Variants in SH3RF1 observed in about 807,000 individuals in gnomAD.
SH3RF1 encodes the protein SH3 domain containing ring finger 1, also known as E3 ubiquitin-protein ligase SH3RF1.
In SH3RF1, 32 loss-of-function variants were observed where a neutral mutation model predicts 74.0. The ratio of observed to expected loss-of-function variants is 0.43; its 90% CI spans 0.33 to 0.58. The LOEUF (loss-of-function observed/expected upper bound fraction) is 0.58, where lower values mean the gene tolerates loss of function less well. SH3RF1 is among the 20% of genes least tolerant of loss of function. The pLI, the probability that SH3RF1 is intolerant of heterozygous loss-of-function variation, is 0.05. For missense variants in SH3RF1, 954 were observed against 1,130.9 expected, an observed-to-expected ratio of 0.84 and a Z score of 2.24; for synonymous variants, 396 against 439.6, an observed-to-expected ratio of 0.90 and a Z score of 1.24.
intron 10 of SH3RF1, among the ~76,000 whole-genome samples, chr4:169,112,640 T>G (rs1016202233): frequency 1.3e-5 from 2 of 152,152 alleles, no homozygotes; most frequent in Non-Finnish European, 2.9e-5. Flanking sequence ...AGCAGCCTAA[T>G]GGCTCAAATT....
At chr4:169,102,292 A>G (rs1185433690) in intron 11 of SH3RF1, among the ~76,000 whole-genome samples, 1 of 152,232 alleles carries the variant, frequency 6.6e-6, no homozygotes, top group Non-Finnish European at 1.5e-5. Context: ...AAAGAAATTA[A>G]TCATGCTGGT....
At chr4:169,155,126 T>C (rs1734030433) in intron 4 of SH3RF1, among the ~76,000 whole-genome samples, 1 of 152,172 alleles carries the variant, frequency 6.6e-6, no homozygotes, top group African/African-American at 2.4e-5. Flanking sequence ...AATAAACAAA[T>C]AAACTTTTCT....
intron 2 of SH3RF1, among the ~76,000 whole-genome samples, chr4:169,183,757 A>AC (rs1734554495): frequency 6.6e-6 from 1 of 151,170 alleles, no homozygotes; most frequent in Non-Finnish European, 1.5e-5. Flanking sequence ...CTTTAAAAAA[A>AC]AAAAAACAAA....
intron 4 of SH3RF1, among the ~76,000 whole-genome samples, chr4:169,138,034 A>G (rs1733727064): frequency 6.6e-6 from 1 of 152,224 alleles, no homozygotes; most frequent in African/African-American, 2.4e-5. Flanking sequence ...TGAAGTACCA[A>G]TGGCGGGAGA....
chr4:169,209,668 A>G (rs1269917704), intron 2 of SH3RF1, among the ~76,000 whole-genome samples: 1 of 152,222 alleles, frequency 6.6e-6, no homozygotes, highest in Non-Finnish European at 1.5e-5. Flanking sequence ...ACTGTGACAT[A>G]AATATACTCA....
rs541809507 is a variant in SH3RF1, at chr4:169,095,730, T to A, written c.*789A>T. On this transcript the variant is annotated 3_prime_UTR_variant, in exon 12 of 12. Transcript: ENST00000284637. ...CTTCTGCTATAAAACTAAATATATTTCTAAATACATTTTGTTCAAGGGTTG... is the reference window on the plus strand; with the variant it reads ...CTTCTGCTATAAAACTAAATATATTACTAAATACATTTTGTTCAAGGGTTG... 2 of 152,782 alleles carry A rather than the reference T, an allele frequency of 1.3e-5. No individual in the cohort carries two copies. Among genetic ancestry groups the A allele is most frequent in the South Asian group, 4.1e-4 (2 of 4,832 alleles). The allele number at this position is 152,782 out of a possible 1,614,324, so 9.5% of individuals were successfully genotyped here.
intron 2 of SH3RF1, among the ~76,000 whole-genome samples, chr4:169,185,416 T>C (rs923207442): frequency 3.3e-5 from 5 of 152,190 alleles, no homozygotes; most frequent in African/African-American, 9.7e-5. Context: ...CTGATCTCTT[T>C]AGCTGCCCAG....
intron 2 of SH3RF1, among the ~76,000 whole-genome samples, chr4:169,171,691 G>A (rs1734329694): frequency 6.6e-6 from 1 of 152,168 alleles, no homozygotes; most frequent in South Asian, 2.1e-4. Context: ...TTTATTACCT[G>A]TGCCTTTCAA....
At chr4:169,242,081 G>C (rs562343443) in intron 2 of SH3RF1, among the ~76,000 whole-genome samples, 1 of 151,968 alleles carries the variant, frequency 6.6e-6, no homozygotes, top group East Asian at 1.9e-4. Context: ...GGGAAAGGAG[G>C]GATCTATAAA....
intron 6 of SH3RF1, among the ~76,000 whole-genome samples, chr4:169,124,228 C>T (rs1054047917): frequency 1.4e-4 from 22 of 152,168 alleles, no homozygotes; most frequent in African/African-American, 4.3e-4. Context: ...AAACTAATGG[C>T]ATGTGCTCAA....
At chr4:169,138,280 T>G (rs1297574600) in intron 4 of SH3RF1, among the ~76,000 whole-genome samples, 2 of 152,136 alleles carry the variant, frequency 1.3e-5, no homozygotes, top group African/African-American at 4.8e-5. Flanking sequence ...TAAACTGCAG[T>G]GAACCATGGA....
intron 4 of SH3RF1, among the ~76,000 whole-genome samples, chr4:169,145,288 T>C (rs965557301): frequency 1.3e-5 from 2 of 152,074 alleles, no homozygotes; most frequent in African/African-American, 2.4e-5. Flanking sequence ...TGCAGCAACA[T>C]GGATGGAGCT....
chr4:169,237,637 T>C (rs1228716602), intron 2 of SH3RF1, among the ~76,000 whole-genome samples: 1 of 152,078 alleles, frequency 6.6e-6, no homozygotes, highest in Non-Finnish European at 1.5e-5. Flanking sequence ...TCCAGGAAAT[T>C]TGGCTGCAGT....
intron 6 of SH3RF1, among the ~76,000 whole-genome samples, chr4:169,126,521 G>A (rs961926754): frequency 1.8e-4 from 28 of 152,148 alleles, no homozygotes; most frequent in Non-Finnish European, 7.3e-5. Flanking sequence ...TGGCTATTCT[G>A]AGAATCTGAC....
At chr4:169,130,461 A>C (rs1414133112) in intron 5 of SH3RF1, among the ~76,000 whole-genome samples, 1 of 152,148 alleles carries the variant, frequency 6.6e-6, no homozygotes, top group Non-Finnish European at 1.5e-5. Context: ...CGCCACCATG[A>C]ATCAAACTGG....
At chr4:169,192,920 G>GAT (rs55727951) in intron 2 of SH3RF1, among the ~76,000 whole-genome samples, 180 of 146,860 alleles carry the variant, frequency 1.2e-3, no homozygotes, top group Non-Finnish European at 1.6e-3. Context: ...ATATATATGT[G>GAT]ATATATATAT....
At chr4:169,116,130 T>TAG in intron 10 of SH3RF1, 139 bp downstream of exon 10, 1 of 1,217,198 alleles carries the variant, frequency 8.2e-7, no homozygotes, top group South Asian at 1.6e-5. Flanking sequence ...GCACCTGGCA[T>TAG]AGTGACTCAC....
Position 169,269,166 on chromosome 4 carries a change from AG to A in SH3RF1, c.46del (p.Leu16Ter). Reference sequence around the variant, plus strand: ...CTTCGCAGAAGCATCAAGGCGCTCTAGACACACCGGACACTCCAAAAGATCC... The same window carrying A: ...CTTCGCAGAAGCATCAAGGCGCTCTAACACACCGGACACTCCAAAAGATCC... ...LLDLLECPVC[L>X]ERLDASAKVL... On this transcript the variant is annotated frameshift_variant, in exon 2 of 12. Coordinates refer to ENST00000284637, the MANE Select transcript of SH3RF1 (RefSeq NM_020870.4). LOFTEE classifies it high-confidence loss of function. 6.2e-7 allele frequency: 1 copy of A among 1,609,368 alleles called. No individual in the cohort carries two copies. The highest frequency in any genetic ancestry group is 8.5e-7 in the Non-Finnish European group (1 of 1,179,432).
intron 6 of SH3RF1, among the ~76,000 whole-genome samples, chr4:169,124,512 T>A (rs1253429626): frequency 2.0e-5 from 3 of 152,240 alleles, no homozygotes; most frequent in Non-Finnish European, 4.4e-5. Flanking sequence ...TCCCAAAGGT[T>A]CTTCCTGACA....
Sources: allele counts gnomAD v4.1 joint callset (sites outside exome capture counted in the v4.1 genomes callset), GRCh38; gene constraint gnomAD v4.1.1; transcripts MANE v1.5; gene names NCBI Gene and HGNC (gene_info 2026-07-23, HGNC 2026-07-21).